ALPK1: variants seen among roughly 807,000 people sequenced by gnomAD.
The protein encoded by ALPK1 is alpha kinase 1, also known as alpha-protein kinase 1.
Under a neutral mutation model 120.6 loss-of-function variants are expected in ALPK1, and 110 were observed. That is an observed-to-expected ratio of 0.91 (90% confidence interval 0.78 to 1.07). ALPK1 has a LOEUF of 1.07. ALPK1 is among the 50% of genes least tolerant of loss of function. The probability of loss-of-function intolerance (pLI) is 0.00; values close to 1 mark genes in which losing one functional copy is unlikely to be tolerated. For missense variants in ALPK1, 1,498 were observed against 1,483.9 expected, an observed-to-expected ratio of 1.01 and a Z score of -0.16; for synonymous variants, 582 against 560.3, an observed-to-expected ratio of 1.04 and a Z score of -0.55.
At chr4:112,349,980 A>C (rs2148710388) in intron 2 of ALPK1, among the ~76,000 whole-genome samples, 1 of 152,356 alleles carries the variant, frequency 6.6e-6, no homozygotes, top group Middle Eastern at 3.4e-3. Flanking sequence ...CAGACCTATG[A>C]GAAAACTGAG....
intron 2 of ALPK1, chr4:112,358,748 C>T (rs1189925746): frequency 1.3e-5 from 10 of 799,406 alleles, no homozygotes; most frequent in South Asian, 2.7e-5. Flanking sequence ...CGGAGGAGCC[C>T]GTGGCTGGTG....
At chr4:112,412,401 C>T in intron 5 of ALPK1, 2 of 466,848 alleles carry the variant, frequency 4.3e-6, no homozygotes, top group South Asian at 3.1e-5. Context: ...CTTCGCTCTC[C>T]TGTCTCCTTT....
chr4:112,358,270 G>T, intron 2 of ALPK1: 2 of 590,816 alleles, frequency 3.4e-6, no homozygotes, highest in Admixed American at 4.2e-5. Flanking sequence ...TGCCCTCCTG[G>T]GTGCGTCCCT....
intron 1 of ALPK1, among the ~76,000 whole-genome samples, chr4:112,306,838 A>T (rs1728087548): frequency 6.6e-6 from 1 of 151,880 alleles, no homozygotes; most frequent in Non-Finnish European, 1.5e-5. Context: ...TTTAATTGTG[A>T]TGTTAGGATG....
chr4:112,309,449 A>G (rs111972124), intron 1 of ALPK1, among the ~76,000 whole-genome samples: 3,053 of 152,220 alleles, frequency 0.02, 126 homozygotes, highest in African/African-American at 0.069. Context: ...CAGCAATGGC[A>G]GACGCCCCTC....
At chr4:112,396,046 T>C (rs1352385135) in intron 4 of ALPK1, among the ~76,000 whole-genome samples, 1 of 152,202 alleles carries the variant, frequency 6.6e-6, no homozygotes, top group Non-Finnish European at 1.5e-5. Flanking sequence ...AAAATTTTCT[T>C]AGTTGTCATG....
At chr4:112,428,640 C>G (rs558553093) in intron 9 of ALPK1, among the ~76,000 whole-genome samples, 2 of 152,298 alleles carry the variant, frequency 1.3e-5, no homozygotes, top group African/African-American at 4.8e-5. Context: ...TTGTCATAAT[C>G]TCAAATACTA....
intron 2 of ALPK1, among the ~76,000 whole-genome samples, chr4:112,333,790 C>T (rs1028165641): frequency 1.3e-5 from 2 of 152,198 alleles, no homozygotes; most frequent in Non-Finnish European, 2.9e-5. Flanking sequence ...AGCCCATTCT[C>T]GTGTAGGTGT....
Position 112,431,566 on chromosome 4 carries a change from C to T in ALPK1, c.2019C>T (p.Pro673=), listed in dbSNP as rs1560686855. 2 of 1,614,170 alleles carry T rather than the reference C, an allele frequency of 1.2e-6. No homozygotes were observed. Among genetic ancestry groups the T allele is most frequent in the African/African-American group, 1.3e-5 (1 of 75,042 alleles). ...CACAGCAACAGATGCCCTTGACACC[C>T]TTCTCGCCTCATAATACCCCAGGCA... The part of the protein sequence containing the change: ...NQPQQQMPLT[P]FSPHNTPGIF... The change falls in exon 11 of 16, where the codon CCC becomes CCT. Residue 673 remains proline, a synonymous_variant. Transcript: ENST00000650871.
At chr4:112,313,444 C>T (rs6834329) in intron 1 of ALPK1, among the ~76,000 whole-genome samples, 1 of 152,136 alleles carries the variant, frequency 6.6e-6, no homozygotes. Context: ...TGCTGGAGGC[C>T]GGGCATGGTG....
intron 9 of ALPK1, among the ~76,000 whole-genome samples, chr4:112,428,554 C>T (rs889448878): frequency 2.0e-5 from 3 of 152,166 alleles, no homozygotes; most frequent in African/African-American, 7.2e-5. Context: ...TCCCTGATGA[C>T]CGTTTAAAAT....
chr4:112,359,366 CA>C, intron 2 of ALPK1: 1 of 376,780 alleles, frequency 2.7e-6, no homozygotes, highest in Non-Finnish European at 5.1e-6. Context: ...ATGACCTGGA[CA>C]AGGTGCTGGC....
At chr4:112,339,424 C>T (rs557548814) in intron 2 of ALPK1, among the ~76,000 whole-genome samples, 7 of 152,194 alleles carry the variant, frequency 4.6e-5, no homozygotes, top group Admixed American at 2.0e-4. Flanking sequence ...AATTTTTACA[C>T]AATAATTATT....
At chr4:112,329,722 G>C (rs909004821) in intron 2 of ALPK1, among the ~76,000 whole-genome samples, 1 of 152,194 alleles carries the variant, frequency 6.6e-6, no homozygotes, top group Non-Finnish European at 1.5e-5. Flanking sequence ...AATAAGAGCA[G>C]GAATCCATTA....
chr4:112,414,265 G>A (rs751493360), intron 5 of ALPK1: 41 of 495,282 alleles, frequency 8.3e-5, no homozygotes, highest in Non-Finnish European at 1.6e-4. Context: ...TCCACCACAG[G>A]ATCCCATCCA....
In ALPK1 at chr4:112,441,087, C is replaced by A. The variant is rs146591828; in HGVS notation, c.3709C>A (p.Pro1237Thr). The A allele has an allele frequency of 5.2e-5, 84 of 1,613,894 alleles. No homozygotes were observed. In the African/African-American group the frequency reaches 1.1e-3, roughly 20 times the overall value. The stretch of plus-strand genomic sequence containing the variant: ...CTGCCATCGTCTTTCTTTGACTAGA[C>A]CTTCAATGGAGAAACCATGTAAGTC... ...EICHRLSLTR[P>T]SMEKPCT The change falls in exon 15 of 16, where the codon CCT becomes ACT. Residue 1237 changes from proline (P) to threonine (T), a missense_variant. Physicochemically the swap from Pro to Thr is conservative, Grantham distance 38. Transcript: ENST00000650871.
At chr4:112,420,954 T>C (rs1250300165) in intron 5 of ALPK1, among the ~76,000 whole-genome samples, 4 of 152,100 alleles carry the variant, frequency 2.6e-5, no homozygotes, top group Non-Finnish European at 4.4e-5. Context: ...TGTCTCAGCC[T>C]CCCGAGTAGC....
In ALPK1 at chr4:112,431,825, A is replaced by G. The variant is rs1481467904; in HGVS notation, c.2278A>G (p.Arg760Gly). ...AGAAACCAACTGCGATGTCAAAGACAGGCAGGGGAAAGAGCAGGGAGAAGA... is the reference window on the plus strand; with the variant it reads ...AGAAACCAACTGCGATGTCAAAGACGGGCAGGGGAAAGAGCAGGGAGAAGA... ...FPETNCDVKD[R>G]QGKEQGEEIS... Residue 760 changes from arginine to glycine, a missense_variant, in exon 11 of 16, where the codon AGG becomes GGG. Arg to Gly is a moderately radical substitution (Grantham distance 125). Transcript: ENST00000650871. The G allele has an allele frequency of 3.1e-6, 5 of 1,614,160 alleles. No homozygotes were observed. In the Admixed American group the frequency reaches 5.0e-5, roughly 16 times the overall value.
chr4:112,361,937 C>A (rs1440245256), intron 2 of ALPK1, among the ~76,000 whole-genome samples: 1 of 152,238 alleles, frequency 6.6e-6, no homozygotes, highest in Non-Finnish European at 1.5e-5. Flanking sequence ...CTCCCCAGTA[C>A]CAACCTGGAG....
Sources: allele counts gnomAD v4.1 joint callset (sites outside exome capture counted in the v4.1 genomes callset), GRCh38; gene constraint gnomAD v4.1.1; transcripts MANE v1.5; gene names NCBI Gene and HGNC (gene_info 2026-07-23, HGNC 2026-07-21).